TDRD12: variants seen among roughly 807,000 people sequenced by gnomAD.
TDRD12 encodes tudor domain containing 12.
TDRD12 carries 158 observed loss-of-function variants against 133.5 expected under a neutral mutation model. The observed-to-expected ratio is 1.18, with a 90% CI of 1.04 to 1.35. The LOEUF (loss-of-function observed/expected upper bound fraction) is 1.35, where lower values mean the gene tolerates loss of function less well. Among genes scored for constraint, TDRD12 ranks in the 40% most tolerant of loss-of-function variants. TDRD12 has a pLI of 0.00. For missense variants in TDRD12, 1,443 were observed against 1,321.3 expected (o/e 1.09, Z -1.43); for synonymous variants, 460 against 477.9 (o/e 0.96, Z 0.49).
intron 13 of TDRD12, among the ~76,000 whole-genome samples, chr19:32,792,721 A>G (rs538615576): frequency 1.3e-5 from 2 of 152,330 alleles, no homozygotes; most frequent in South Asian, 2.1e-4. Flanking sequence ...AAGAGGGCCT[A>G]CCCATCACAG....
At chr19:32,818,812 G>A (rs1241902120) in intron 27 of TDRD12, among the ~76,000 whole-genome samples, 1 of 152,140 alleles carries the variant, frequency 6.6e-6, no homozygotes, top group Non-Finnish European at 1.5e-5. Flanking sequence ...GGACAGGAGT[G>A]ATGAGCTAGC....
chr19:32,729,843 T>A (rs1456466013), intron 1 of TDRD12, among the ~76,000 whole-genome samples: 4 of 132,176 alleles, frequency 3.0e-5, no homozygotes, highest in Non-Finnish European at 4.6e-5. Flanking sequence ...CAGGCTGGAG[T>A]GCAGTGGCGC....
chr19:32,740,683 A>G (rs1226450366), intron 3 of TDRD12, among the ~76,000 whole-genome samples: 1 of 152,170 alleles, frequency 6.6e-6, no homozygotes, highest in Non-Finnish European at 1.5e-5. Flanking sequence ...GGCTGCAAGA[A>G]AGACACTTCC....
At chr19:32,737,860 C>T (rs79390604) in intron 2 of TDRD12, among the ~76,000 whole-genome samples, 1 of 152,118 alleles carries the variant, frequency 6.6e-6, no homozygotes, top group African/African-American at 2.4e-5. Context: ...AGGCTGGGTG[C>T]GGTGGCTCAC....
At chr19:32,724,234 A>C (rs146853152) in intron 1 of TDRD12, among the ~76,000 whole-genome samples, 132 of 152,302 alleles carry the variant, frequency 8.7e-4, no homozygotes, top group African/African-American at 2.9e-3. Context: ...TTTTTAATTT[A>C]ATTTTAAGTT....
chr19:32,825,145 A>T (rs1967546495), downstream of TDRD12, among the ~76,000 whole-genome samples: 1 of 152,158 alleles, frequency 6.6e-6, no homozygotes, highest in African/African-American at 2.4e-5. The surrounding 1 kb of genome is among the most constrained non-coding windows in gnomAD (Gnocchi z 4.1). Context: ...TCACTGGGTC[A>T]GTGCACTCTT....
intron 21 of TDRD12, among the ~76,000 whole-genome samples, chr19:32,807,094 A>T (rs1374606072): frequency 1.3e-5 from 2 of 152,098 alleles, no homozygotes; most frequent in African/African-American, 4.8e-5. Context: ...TTTCTAATTC[A>T]GTCTTTATTA....
At chr19:32,752,520 C>T (rs926148652) in intron 6 of TDRD12, among the ~76,000 whole-genome samples, 11 of 152,050 alleles carry the variant, frequency 7.2e-5, no homozygotes, top group Non-Finnish European at 1.5e-4. Context: ...CCAAAGAACC[C>T]TCCCTCCTCC....
chr19:32,778,834 A>AT (rs1320261789), intron 11 of TDRD12, among the ~76,000 whole-genome samples: 8 of 152,246 alleles, frequency 5.3e-5, no homozygotes, highest in African/African-American at 1.7e-4. Flanking sequence ...TTATTTTCGT[A>AT]TTAAAAAGTT....
At chr19:32,813,756 A>G in exon 25 of TDRD12, 2 of 1,533,958 alleles carry the variant, frequency 1.3e-6, no homozygotes, top group Non-Finnish European at 1.7e-6. Context: ...TTTGGGAAAT[A>G]CAGTTTGGAT....
intron 25 of TDRD12, among the ~76,000 whole-genome samples, chr19:32,815,029 C>T (rs1386025314): frequency 6.6e-6 from 1 of 152,202 alleles, no homozygotes; most frequent in Admixed American, 6.5e-5. Context: ...AGAAATGGCC[C>T]AGAACAGGAT....
At chr19:32,749,910 T>A (rs967834592) in intron 6 of TDRD12, 41 bp downstream of exon 6, 4 of 1,365,234 alleles carry the variant, frequency 2.9e-6, no homozygotes, top group Admixed American at 4.4e-5. Context: ...TTCATCATTT[T>A]AAATTTTACT....
chr19:32,753,357 T>C (rs1454342668), intron 6 of TDRD12, among the ~76,000 whole-genome samples: 1 of 152,200 alleles, frequency 6.6e-6, no homozygotes, highest in Non-Finnish European at 1.5e-5. Context: ...TCTTACCCTC[T>C]CCTTTCCTTA....
intron 22 of TDRD12, among the ~76,000 whole-genome samples, chr19:32,808,412 G>T (rs1019330369): frequency 2.0e-5 from 3 of 152,188 alleles, no homozygotes; most frequent in Non-Finnish European, 4.4e-5. Context: ...GCCTCCAGAA[G>T]GTGACCTGGC....
chr19:32,796,268 A>G (rs1263152978), intron 14 of TDRD12: 6 of 787,448 alleles, frequency 7.6e-6, no homozygotes, highest in South Asian at 5.7e-5. Flanking sequence ...TAACCGTGCC[A>G]TGCAGTTTTA....
At chr19:32,769,313 T>A (rs1041313818) in intron 8 of TDRD12, among the ~76,000 whole-genome samples, 3 of 152,232 alleles carry the variant, frequency 2.0e-5, no homozygotes, top group Non-Finnish European at 4.4e-5. Flanking sequence ...GGTTTTGTTT[T>A]TTCCATGTGG....
chr19:32,766,446 T>A (rs1970298448), intron 8 of TDRD12, among the ~76,000 whole-genome samples: 1 of 152,212 alleles, frequency 6.6e-6, no homozygotes, highest in Non-Finnish European at 1.5e-5. Flanking sequence ...TAGGTCTTAC[T>A]CTTTCTGATA....
At chr19:32,764,545 T>C (rs1277102549) in intron 8 of TDRD12, among the ~76,000 whole-genome samples, 1 of 152,226 alleles carries the variant, frequency 6.6e-6, no homozygotes, top group Non-Finnish European at 1.5e-5. Context: ...TTGGAAAATA[T>C]TCTGTGTCCA....
rs554835781 is a variant in TDRD12, at chr19:32,793,561, A to T, written c.1288-1067A>T. Among the ~76,000 whole-genome samples, 15 of 152,304 alleles carry T rather than the reference A, an allele frequency of 9.8e-5. No individual in the cohort carries two copies. The South Asian group carries it at 2.7e-3, about 27-fold the overall frequency. On this transcript the variant is annotated intron_variant, in intron 13 of 27. Transcript: ENST00000444215. Reference sequence around the variant, plus strand: ...TGAGCTCGGCCATTTGGAAGATCCTATCCATGTGGGTGGAGAACTCTATTG... The same window carrying T: ...TGAGCTCGGCCATTTGGAAGATCCTTTCCATGTGGGTGGAGAACTCTATTG...
Sources: allele counts gnomAD v4.1 joint callset (sites outside exome capture counted in the v4.1 genomes callset), GRCh38; gene constraint gnomAD v4.1.1; non-coding constraint Gnocchi (gnomAD v3.1); transcripts MANE v1.5; gene names NCBI Gene and HGNC (gene_info 2026-07-23, HGNC 2026-07-21).